The following SH3GL1 variants were observed in gnomAD, a reference collection of about 807,000 sequenced individuals.
SH3GL1 encodes the protein endophilin-A2.
A neutral mutation model predicts 48.8 loss-of-function variants in SH3GL1; 21 were observed. That is an observed-to-expected ratio of 0.43 (90% CI 0.30 to 0.62). The LOEUF is 0.62. SH3GL1 is among the 20% of genes least tolerant of loss of function. The pLI, the probability that SH3GL1 is intolerant of heterozygous loss-of-function variation, is 0.11. For missense variants in SH3GL1, 454 were observed against 503.0 expected (o/e 0.90, Z 0.93); for synonymous variants, 282 against 217.5 (o/e 1.30, Z -2.61).
intron 1 of SH3GL1, among the ~76,000 whole-genome samples, chr19:4,399,410 A>G: frequency 6.6e-6 from 1 of 151,148 alleles, no homozygotes; most frequent in African/African-American, 2.4e-5. Flanking sequence ...GAGGAAGGAA[A>G]GAAGAGAAGG....
chr19:4,364,916 ATTT>A (rs35880496), intron 4 of SH3GL1, among the ~76,000 whole-genome samples: 9 of 116,206 alleles, frequency 7.7e-5, no homozygotes, highest in African/African-American at 3.0e-4. Context: ...ATATATATAT[ATTT>A]TTTTTTTTTT....
rs372611546 is a variant in SH3GL1 at position 4,369,221 on chromosome 19, GC to G, written c.46-2228del. Among the ~76,000 whole-genome samples the G allele has an allele frequency of 2.6e-3, 393 of 152,302 alleles. 1 individual carries two copies. Among genetic ancestry groups the G allele is most frequent in the African/African-American group, 8.3e-3 (347 of 41,558 alleles). On this transcript the variant is annotated intron_variant, in intron 1 of 9. Transcript: ENST00000269886. ...CTGCTGAAGGCATTAGGAGGAAGGAGCCCCCCCTCCCTAGGTGTTTTTGGGG... is the reference window on the plus strand; with the variant it reads ...CTGCTGAAGGCATTAGGAGGAAGGAGCCCCCCTCCCTAGGTGTTTTTGGGG...
chr19:4,361,659 C>T lies in SH3GL1; in HGVS notation c.1048G>A (p.Gly350Ser), dbSNP rs150388848. 0.014 allele frequency: 21,965 copies of T among 1,611,690 alleles called. 195 individuals carry two copies. Among genetic ancestry groups the T allele is most frequent in the Non-Finnish European group, 0.016 (19,217 of 1,179,624 alleles). Residue 350 changes from glycine to serine, a missense_variant, in exon 10 of 10, where the codon GGC (glycine) becomes AGC (serine). Physicochemically the swap from Gly to Ser is moderately conservative, Grantham distance 56. Transcript: ENST00000269886. ...CTGAGCGGGAAGAAGCCCGACTGGC[C>T]GTCCAGCATGCCCTCGTACCAGTTC... ...DENWYEGMLDGQSGFFPLSYV... is the reference protein window; with the variant it reads ...DENWYEGMLDSQSGFFPLSYV...
At position 4,371,739 on chromosome 19, in the gene SH3GL1, C is replaced by T. The variant is rs375741400; in HGVS notation, c.46-4745G>A. On this transcript the variant is annotated intron_variant, in intron 1 of 9. Coordinates refer to ENST00000269886, the MANE Select transcript of SH3GL1 (RefSeq NM_003025.4). The stretch of plus-strand genomic sequence containing the variant: ...AGGTTCACAGCAGAGTTCACGGGTC[C>T]TCCCTCGGCTGGGGAGCGGGTCTCT... Among the ~76,000 whole-genome samples the T allele has an allele frequency of 2.3e-4, 35 of 152,304 alleles. No homozygotes were observed. The South Asian group carries it at 5.4e-3, about 23-fold the overall frequency.
Position 4,394,436 on chromosome 19 carries a change from G to A in SH3GL1, c.45+5888C>T, listed in dbSNP as rs1162146228. Among the ~76,000 whole-genome samples the A allele has an allele frequency of 2.0e-5, 3 of 152,064 alleles. No individual in the cohort carries two copies. The East Asian group carries it at 5.8e-4, about 29-fold the overall frequency. On this transcript the variant is annotated intron_variant, in intron 1 of 9. Transcript: ENST00000269886. ...CCAGGGAGATGGGACCATGACGGAC[G>A]GCTTTTTACTGCTTTCTTCCAGATG...
At position 4,366,522 on chromosome 19, in the gene SH3GL1, C is replaced by T. The variant is rs1311520364; in HGVS notation, c.166G>A (p.Glu56Lys). ...AVTEVLARTI[E>K]YLQPNPASRA... ...CCACCTGGGTTGGGCTGCAGGTACT[C>T]GATGGTCCTGGCCAGCACTTCTGTC... The change falls in exon 3 of 10, where the codon GAG becomes AAG. Residue 56 changes from glutamate to lysine, a missense_variant. Glu to Lys is a moderately conservative substitution (Grantham distance 56). Coordinates refer to ENST00000269886, the MANE Select transcript of SH3GL1 (RefSeq NM_003025.4). 2 of 1,611,240 alleles carry T rather than the reference C, an allele frequency of 1.2e-6. No homozygotes were observed. The highest frequency in any genetic ancestry group is 1.1e-5 in the South Asian group (1 of 90,748).
At position 4,366,976 on chromosome 19, in the gene SH3GL1, C is replaced by T. The variant is rs761916678; in HGVS notation, c.64G>A (p.Gly22Arg). 24 of 1,613,892 alleles carry T rather than the reference C, an allele frequency of 1.5e-5. No homozygotes were observed. The highest frequency in any genetic ancestry group is 2.2e-5 in the East Asian group (1 of 44,882). Residue 22 changes from glycine to arginine, a missense_variant, in exon 2 of 10, where the codon GGA becomes AGA. Coordinates refer to ENST00000269886, the MANE Select transcript of SH3GL1 (RefSeq NM_003025.4). ...KASQLVSEKV[G>R]GAEGTKLDDD... ...TCCAGCTTGGTCCCCTCGGCCCCTCCGACCTTCTCACTGACCAGCTAGAGG... is the reference window on the plus strand; with the variant it reads ...TCCAGCTTGGTCCCCTCGGCCCCTCTGACCTTCTCACTGACCAGCTAGAGG...
At position 4,364,266 on chromosome 19, in the gene SH3GL1, C is replaced by A. The variant is rs750385377; in HGVS notation, c.332-45G>T. The A allele has an allele frequency of 2.5e-6, 4 of 1,612,286 alleles. No individual in the cohort carries two copies. The South Asian group carries it at 4.4e-5, about 18-fold the overall frequency. ...GAAGCCATCATACCGGGCCTGGGAC[C>A]ACTAGACTGAGACACTCCTCAGCCT... On this transcript the variant is annotated intron_variant, in intron 4 of 9. Transcript: ENST00000269886.
intron 6 of SH3GL1, 95 bp downstream of exon 6, chr19:4,363,625 G>C: frequency 6.5e-7 from 1 of 1,536,116 alleles, no homozygotes; most frequent in Non-Finnish European, 9.0e-7. Flanking sequence ...CAGCGGCCAG[G>C]TAGGTGCCGA....
Position 4,361,631 on chromosome 19 carries a change from T to A in SH3GL1, c.1076A>T (p.Tyr359Phe), listed in dbSNP as rs779999042. The A allele has an allele frequency of 6.2e-7, 1 of 1,606,980 alleles. No homozygotes were observed. Among genetic ancestry groups the A allele is most frequent in the South Asian group, 1.1e-5 (1 of 91,054 alleles). Residue 359 changes from tyrosine (Y) to phenylalanine (F), a missense_variant, in exon 10 of 10, where the codon TAC becomes TTC. This residue lies in a region of SH3GL1 where 278 missense variants were observed against 246.8 expected (regional missense o/e 1.13). Coordinates refer to ENST00000269886, the MANE Select transcript of SH3GL1 (RefSeq NM_003025.4). ...CGGCAGGGGCACAAGCACCTCCACG[T>A]AGCTGAGCGGGAAGAAGCCCGACTG... ...DGQSGFFPLSYVEVLVPLPQ is the reference protein window; with the variant it reads ...DGQSGFFPLSFVEVLVPLPQ
chr19:4,398,842 C>T (rs1200984058), intron 1 of SH3GL1, among the ~76,000 whole-genome samples: 1 of 152,174 alleles, frequency 6.6e-6, no homozygotes, highest in Non-Finnish European at 1.5e-5. Context: ...TGGGATGCAG[C>T]ATTCTACTTC....
intron 1 of SH3GL1, among the ~76,000 whole-genome samples, chr19:4,374,616 C>T (rs556079975): frequency 1.3e-5 from 2 of 152,370 alleles, no homozygotes; most frequent in East Asian, 1.9e-4. Context: ...GGACAGCCTC[C>T]TCCCTGGCCT....
intron 2 of SH3GL1, 25 bp downstream of exon 2, chr19:4,366,901 A>G (rs1568409674): frequency 6.2e-7 from 1 of 1,610,538 alleles, no homozygotes; most frequent in Non-Finnish European, 8.5e-7. Context: ...CCACCACCAC[A>G]CAGAGCACGC....
intron 1 of SH3GL1, among the ~76,000 whole-genome samples, chr19:4,375,726 G>A (rs537241898): frequency 2.0e-5 from 3 of 152,242 alleles, no homozygotes; most frequent in Non-Finnish European, 4.4e-5. Flanking sequence ...CAGGAGGGCT[G>A]TGTGACATAC....
chr19:4,370,651 G>C (rs1972880596), intron 1 of SH3GL1, among the ~76,000 whole-genome samples: 1 of 152,218 alleles, frequency 6.6e-6, no homozygotes, highest in Non-Finnish European at 1.5e-5. Context: ...CCCATGCCTG[G>C]AACAAACAGG....
intron 1 of SH3GL1, among the ~76,000 whole-genome samples, chr19:4,383,804 C>T (rs965850257): frequency 2.6e-5 from 4 of 152,074 alleles, no homozygotes; most frequent in African/African-American, 7.2e-5. Context: ...GCGTGAGAGC[C>T]GGGAAAAGGC....
In SH3GL1 at chr19:4,376,108, G is replaced by T. The variant is rs1314434833; in HGVS notation, c.46-9114C>A. 2.0e-5 allele frequency among the ~76,000 whole-genome samples: 3 copies of T among 152,244 alleles called. No individual in the cohort carries two copies. Among genetic ancestry groups the T allele is most frequent in the Non-Finnish European group, 4.4e-5 (3 of 68,044 alleles). On this transcript the variant is annotated intron_variant, in intron 1 of 9. Coordinates refer to ENST00000269886, the MANE Select transcript of SH3GL1 (RefSeq NM_003025.4). The surrounding 1 kb of genome is among the most constrained non-coding windows in gnomAD (Gnocchi z 4.3). ...GCAGGTGCACAGATCTCAACGAGGG[G>T]CCGTGAGTTCCCTCACTCCCTGAGA...
In SH3GL1 at chr19:4,389,622, C is replaced by T. The variant is rs764728217; in HGVS notation, c.45+10702G>A. Among the ~76,000 whole-genome samples, 5 of 152,192 alleles carry T rather than the reference C, an allele frequency of 3.3e-5. No individual in the cohort carries two copies. The highest frequency in any genetic ancestry group is 5.9e-5 in the Non-Finnish European group (4 of 68,030). Reference sequence around the variant, plus strand: ...CCCTGGGCCAGGTGGAGACCTGCTTCTCTTCCTCTAGGGCGTGCTCACACA... The same window carrying T: ...CCCTGGGCCAGGTGGAGACCTGCTTTTCTTCCTCTAGGGCGTGCTCACACA... On this transcript the variant is annotated intron_variant, in intron 1 of 9. Coordinates refer to ENST00000269886, the MANE Select transcript of SH3GL1 (RefSeq NM_003025.4). The surrounding 1 kb of genome is among the most constrained non-coding windows in gnomAD (Gnocchi z 4.5).
rs372677999 is a variant in SH3GL1, at chr19:4,362,280, A to G, written c.910+49T>C. 4 of 1,576,880 alleles carry G rather than the reference A, an allele frequency of 2.5e-6. No homozygotes were observed. In the African/African-American group the frequency reaches 4.0e-5, roughly 16 times the overall value. ...GCGGGAGGAGAAACACCCTCCCCGA[A>G]TGGCCGAGAAGGCAGCACTGAGGTC... On this transcript the variant is annotated intron_variant, in intron 9 of 9. Coordinates refer to ENST00000269886, the MANE Select transcript of SH3GL1 (RefSeq NM_003025.4).
Sources: allele counts gnomAD v4.1 joint callset (sites outside exome capture counted in the v4.1 genomes callset), GRCh38; gene constraint gnomAD v4.1.1; regional missense constraint gnomAD v4.1.1; non-coding constraint Gnocchi (gnomAD v3.1); transcripts MANE v1.5; gene names NCBI Gene and HGNC (gene_info 2026-07-23, HGNC 2026-07-21).